The following ARHGEF4 variants were observed in gnomAD, a reference collection of about 807,000 sequenced individuals.
ARHGEF4 encodes Rho guanine nucleotide exchange factor 4.
ARHGEF4 carries 119 observed loss-of-function variants against 162.0 expected under a neutral mutation model. That is an observed-to-expected ratio of 0.73 (90% confidence interval 0.63 to 0.86). The LOEUF (loss-of-function observed/expected upper bound fraction) is 0.86. Among genes scored for constraint, ARHGEF4 ranks in the 40% least tolerant of loss-of-function variants. The pLI, the probability that ARHGEF4 is intolerant of heterozygous loss-of-function variation, is 0.00. For missense variants in ARHGEF4, 2,488 were observed against 2,456.0 expected, an observed-to-expected ratio of 1.01 and a Z score of -0.28; for synonymous variants, 1,014 against 979.9, an observed-to-expected ratio of 1.03 and a Z score of -0.65.
rs768207910 is a variant in ARHGEF4, at chr2:130,915,022, C to G, written c.1076C>G (p.Ser359Cys). The G allele has an allele frequency of 5.4e-5, 84 of 1,550,548 alleles. No homozygotes were observed. Among genetic ancestry groups the G allele is most frequent in the Non-Finnish European group, 6.8e-5 (78 of 1,147,030 alleles). The part of the protein sequence containing the change: ...EDPVGQNVVK[S>C]GTHVKEGAKN... ...CCCGTGGGACAGAATGTTGTGAAGT[C>G]TGGGACCCATGTGAAGGAAGGGGCC... Residue 359 changes from serine (S) to cysteine (C), a missense_variant, in exon 2 of 14, where the codon TCT becomes TGT. Coordinates refer to ENST00000409359, the MANE Select transcript of ARHGEF4 (RefSeq NM_001367493.1).
chr2:130,915,849 G>T lies in ARHGEF4; in HGVS notation c.1903G>T (p.Ala635Ser). 2.6e-5 allele frequency: 40 copies of T among 1,541,174 alleles called. No homozygotes were observed. Among genetic ancestry groups the T allele is most frequent in the Non-Finnish European group, 3.5e-5 (40 of 1,142,322 alleles). The change falls in exon 2 of 14, where the codon GCT (alanine) becomes TCT (serine). Residue 635 changes from alanine (A) to serine (S), a missense_variant. By Grantham distance (99) the Ala-to-Ser change is moderately conservative. Around this residue, in one of 6 missense-constraint regions of ARHGEF4, gnomAD observed 1,642 missense variants for 1,481.5 expected, o/e 1.11. Transcript: ENST00000409359. The stretch of plus-strand genomic sequence containing the variant: ...GGGCAGGGGCGCCCTCATCATTGTA[G>T]CTGTGGAGCAGAAAGGTCTTCAGGC... ...SRGRGALIIV[A>S]VEQKGLQASR...
chr2:130,916,631 A>C lies in ARHGEF4; in HGVS notation c.2685A>C (p.Ala895=), dbSNP rs1383072559. The change falls in exon 2 of 14, where the codon GCA becomes GCC. Residue 895 remains alanine, a synonymous_variant. Coordinates refer to ENST00000409359, the MANE Select transcript of ARHGEF4 (RefSeq NM_001367493.1). ...SRGPSSESCN[A]KRLKTTEKKL... is the part of the protein sequence containing the mutation. The stretch of plus-strand genomic sequence containing the variant: ...GGCCTTCCTCTGAGAGCTGCAACGC[A>C]AAGAGACTCAAAACAACGGAGAAAA... 1 of 1,550,596 alleles carries C rather than the reference A, an allele frequency of 6.4e-7. No homozygotes were observed. The highest frequency in any genetic ancestry group is 2.0e-5 in the Admixed American group (1 of 51,012).
intron 4 of ARHGEF4, among the ~76,000 whole-genome samples, chr2:131,025,384 C>T (rs1573644673): frequency 1.3e-5 from 2 of 152,206 alleles, no homozygotes; most frequent in African/African-American, 4.8e-5. Flanking sequence ...GAGATTTGGG[C>T]AGGGTCACAA....
At chr2:130,948,455 G>C (rs1330706245) in intron 4 of ARHGEF4, among the ~76,000 whole-genome samples, 1 of 152,190 alleles carries the variant, frequency 6.6e-6, no homozygotes, top group Non-Finnish European at 1.5e-5. Flanking sequence ...TCTTGTGGAA[G>C]GGACAGTAAC....
chr2:131,030,626 G>A (rs183352102), intron 5 of ARHGEF4, among the ~76,000 whole-genome samples: 6 of 152,328 alleles, frequency 3.9e-5, no homozygotes, highest in African/African-American at 7.2e-5. Flanking sequence ...GCATCCACGC[G>A]CCTCATGAAG....
At position 131,040,450 on chromosome 2, in the gene ARHGEF4, C is replaced by G; in HGVS notation, c.4662+10C>G. 1.3e-6 allele frequency: 2 copies of G among 1,547,452 alleles called. No individual in the cohort carries two copies. Among genetic ancestry groups the G allele is most frequent in the Non-Finnish European group, 1.7e-6 (2 of 1,145,876 alleles). On this transcript the variant is annotated intron_variant, in intron 8 of 13. Transcript: ENST00000409359. ...CTGCTTCCTGGAGCATGTGAGCGCG[C>G]GGCCCCCGGCCCCTACCTGGGCGCT... is the stretch of plus-strand genomic sequence containing the variant.
intron 4 of ARHGEF4, among the ~76,000 whole-genome samples, chr2:130,986,491 G>T (rs1004058496): frequency 5.3e-5 from 8 of 152,228 alleles, no homozygotes; most frequent in African/African-American, 1.9e-4. Flanking sequence ...GACTCAGATT[G>T]CTAGAAAGCA....
chr2:130,950,244 T>G (rs1247716001), intron 4 of ARHGEF4, among the ~76,000 whole-genome samples: 9 of 152,052 alleles, frequency 5.9e-5, no homozygotes, highest in Admixed American at 5.9e-4. Context: ...TTTGGAAGGG[T>G]GGCCAAGAAT....
chr2:131,044,570 G>A (rs1209923746), intron 12 of ARHGEF4, 28 bp downstream of exon 12: 15 of 1,536,550 alleles, frequency 9.8e-6, no homozygotes, highest in African/African-American at 2.7e-5. Flanking sequence ...GCCTTGCCCC[G>A]CCCCCAGGGC....
rs577214146 is a variant in ARHGEF4 at position 130,978,277 on chromosome 2, C to T, written c.3985+31642C>T. Among the ~76,000 whole-genome samples, 3 of 152,258 alleles carry T rather than the reference C, an allele frequency of 2.0e-5. No homozygotes were observed. In the East Asian group the frequency reaches 5.8e-4, roughly 29 times the overall value. Reference sequence around the variant, plus strand: ...TCATGCTGAGGAGGGGTGTCGTGGGCAGCTCCATACCATGGCTGACCATGT... The same window carrying T: ...TCATGCTGAGGAGGGGTGTCGTGGGTAGCTCCATACCATGGCTGACCATGT... On this transcript the variant is annotated intron_variant, in intron 4 of 13. Transcript: ENST00000409359.
intron 4 of ARHGEF4, among the ~76,000 whole-genome samples, chr2:131,025,875 A>C (rs952578759): frequency 6.6e-6 from 1 of 152,162 alleles, no homozygotes; most frequent in Non-Finnish European, 1.5e-5. Flanking sequence ...ATTTTCACCT[A>C]TGTTGGGCCC....
At chr2:130,917,646 C>G (rs1230011168) in intron 2 of ARHGEF4, 148 bp downstream of exon 2, 2 of 1,025,202 alleles carry the variant, frequency 2.0e-6, no homozygotes, top group Non-Finnish European at 2.8e-6. Flanking sequence ...CCCCCCTCCC[C>G]CAGTGAACAC....
chr2:130,926,048 C>CTTTCTCTCTCTTTCTTTCTTTCTT, intron 2 of ARHGEF4, among the ~76,000 whole-genome samples: 1 of 53,412 alleles, frequency 1.9e-5, no homozygotes, highest in African/African-American at 6.2e-5. Flanking sequence ...TTCTTTCTTT[C>CTTTCTCTCTCTTTCTTTCTTTCTT]TCTTTCTTTC....
intron 4 of ARHGEF4, among the ~76,000 whole-genome samples, chr2:130,999,304 G>A (rs1319043612): frequency 2.0e-5 from 3 of 151,656 alleles, no homozygotes; most frequent in African/African-American, 4.8e-5. Flanking sequence ...ACAGGCGCCC[G>A]CCACCACGCC....
intron 1 of ARHGEF4, among the ~76,000 whole-genome samples, chr2:130,853,959 G>A (rs532373472): frequency 6.6e-6 from 1 of 152,308 alleles, no homozygotes; most frequent in South Asian, 2.1e-4. Flanking sequence ...TTCTGGGCAG[G>A]TTTCTTAGCC....
chr2:130,856,623 T>C (rs980620797), intron 1 of ARHGEF4, among the ~76,000 whole-genome samples: 3 of 152,164 alleles, frequency 2.0e-5, no homozygotes, highest in African/African-American at 7.2e-5. Context: ...TTCTTAACTG[T>C]TTAGAAAGTG....
At chr2:130,912,953 T>G (rs1291247425) in intron 1 of ARHGEF4, among the ~76,000 whole-genome samples, 2 of 152,194 alleles carry the variant, frequency 1.3e-5, no homozygotes, top group Non-Finnish European at 2.9e-5. Flanking sequence ...ATTGTTATAA[T>G]TGTTCTATTT....
At position 130,946,565 on chromosome 2, in the gene ARHGEF4, C is replaced by T; in HGVS notation, c.3915C>T (p.Ser1305=). The T allele has an allele frequency of 6.2e-7, 1 of 1,614,078 alleles. No individual in the cohort carries two copies. The highest frequency in any genetic ancestry group is 8.5e-7 in the Non-Finnish European group (1 of 1,179,958). ...SPESLNLPRR[S]HPLSQSAPTG... Reference sequence around the variant, plus strand: ...AGTCTTTGAATCTCCCTAGAAGAAGCCATCCACTCTCCCAGAGTGCTCCAA... The same window carrying T: ...AGTCTTTGAATCTCCCTAGAAGAAGTCATCCACTCTCCCAGAGTGCTCCAA... The change falls in exon 4 of 14, where the codon AGC becomes AGT. Residue 1305 remains serine, a synonymous_variant. Coordinates refer to ENST00000409359, the MANE Select transcript of ARHGEF4 (RefSeq NM_001367493.1).
chr2:131,007,406 T>C (rs1490226920), intron 4 of ARHGEF4, among the ~76,000 whole-genome samples: 1 of 152,250 alleles, frequency 6.6e-6, no homozygotes, highest in Non-Finnish European at 1.5e-5. Context: ...TTATTACTTT[T>C]TCACTCAAGT....
Sources: gnomAD v4.1 joint callset for allele counts (sites outside exome capture counted in the v4.1 genomes callset) on GRCh38, gnomAD v4.1.1 for gene constraint, gnomAD v4.1.1 regional missense constraint, MANE v1.5 for transcripts, NCBI Gene and HGNC (gene_info 2026-07-23, HGNC 2026-07-21) for gene names.